HTR3B: variants seen among roughly 807,000 people sequenced by gnomAD.
The protein encoded by HTR3B is 5-hydroxytryptamine (serotonin) receptor 3B, ionotropic.
Under a neutral mutation model 42.8 loss-of-function variants are expected in HTR3B, and 44 were observed. The ratio of observed to expected loss-of-function variants is 1.03; its 90% CI spans 0.81 to 1.32. HTR3B has a LOEUF of 1.32. HTR3B is among the 40% of genes most tolerant of loss of function. The probability of loss-of-function intolerance (pLI) is 0.00; values close to 1 mark genes in which losing one functional copy is unlikely to be tolerated. For synonymous variants in HTR3B, 203 were observed against 209.0 expected, an observed-to-expected ratio of 0.97 and a Z score of 0.25; for missense variants, 527 against 536.5, an observed-to-expected ratio of 0.98 and a Z score of 0.17.
intron 5 of HTR3B, 132 bp from the exon 6 acceptor site, chr11:113,932,804 C>G: frequency 1.2e-6 from 1 of 867,668 alleles, no homozygotes; most frequent in South Asian, 1.7e-5. Context: ...CCCCCTAATT[C>G]AAATAAGGCC....
chr11:113,947,184 ACCT>A lies in HTR3B; in HGVS notation c.*1050_*1052del, dbSNP rs1950187264. ...AGTGGTGCAATCTTGGCTCACTGTA[ACCT>A]CCACCTCCCGGGTTCAAGCAATTCC... On this transcript the variant is annotated 3_prime_UTR_variant, in exon 9 of 9. Transcript: ENST00000260191. 6.7e-6 allele frequency among the ~76,000 whole-genome samples: 1 copy of A among 149,660 alleles called. No individual in the cohort carries two copies. The highest frequency in any genetic ancestry group is 1.5e-5 in the Non-Finnish European group (1 of 67,464).
rs757773416 is a variant in HTR3B, at chr11:113,904,918, T to C, written c.-16T>C. On this transcript the variant is annotated 5_prime_UTR_variant, in exon 1 of 9. Coordinates refer to ENST00000260191, the MANE Select transcript of HTR3B (RefSeq NM_006028.5). ...TAGGCAAGTTTGCATTTCTCCTTTT[T>C]GGGATCTGCCCAGGAATGTTGTCAA... 6.2e-7 allele frequency: 1 copy of C among 1,612,174 alleles called. No individual in the cohort carries two copies. Among genetic ancestry groups the C allele is most frequent in the African/African-American group, 1.3e-5 (1 of 74,830 alleles).
chr11:113,901,458 A>AAT (rs2137475839), upstream of HTR3B, among the ~76,000 whole-genome samples: 1 of 150,956 alleles, frequency 6.6e-6, no homozygotes, highest in African/African-American at 2.4e-5. Flanking sequence ...AAAAAAAAAA[A>AAT]AAAGCTAAAA....
intron 6 of HTR3B, among the ~76,000 whole-genome samples, chr11:113,941,050 G>A (rs566593556): frequency 1.2e-4 from 18 of 152,174 alleles, no homozygotes; most frequent in Non-Finnish European, 2.4e-4. Context: ...AATCTATAAA[G>A]TAGAGGCTAT....
At chr11:113,928,061 G>A (rs1002465399) in intron 2 of HTR3B, among the ~76,000 whole-genome samples, 4 of 152,092 alleles carry the variant, frequency 2.6e-5, no homozygotes, top group Admixed American at 2.0e-4. Context: ...AGGCCCCAGT[G>A]TGTGTGGTTC....
intron 6 of HTR3B, among the ~76,000 whole-genome samples, chr11:113,936,652 C>T (rs191314120): frequency 8.5e-5 from 13 of 152,212 alleles, no homozygotes; most frequent in East Asian, 5.8e-4. Context: ...TAATCCAGAG[C>T]GACCCATAGT....
intron 2 of HTR3B, among the ~76,000 whole-genome samples, chr11:113,917,938 T>C (rs1322689105): frequency 6.6e-6 from 1 of 152,184 alleles, no homozygotes; most frequent in African/African-American, 2.4e-5. Context: ...CTTTTACTGT[T>C]ATGAAACGCT....
At position 113,932,939 on chromosome 11, in the gene HTR3B, A is replaced by T. The variant is rs1396075334; in HGVS notation, c.542A>T (p.Glu181Val). Reference sequence around the variant, plus strand: ...CAATTGTTTGTGTTGTTTGCAGTGGAAGACGTAGACCTGGCCTTTCTGAGG... The same window carrying T: ...CAATTGTTTGTGTTGTTTGCAGTGGTAGACGTAGACCTGGCCTTTCTGAGG... ...LTFKSILHTV[E>V]DVDLAFLRSP... The change falls in exon 6 of 9, where the codon GAA (glutamate) becomes GTA (valine). Residue 181 changes from glutamate (E) to valine (V), a missense_variant. Coordinates refer to ENST00000260191, the MANE Select transcript of HTR3B (RefSeq NM_006028.5). 1 of 1,613,506 alleles carries T rather than the reference A, an allele frequency of 6.2e-7. No individual in the cohort carries two copies. The highest frequency in any genetic ancestry group is 1.1e-5 in the South Asian group (1 of 91,022).
chr11:113,947,415 C>T lies in HTR3B; in HGVS notation c.*1278C>T, dbSNP rs114265101. Among the ~76,000 whole-genome samples the T allele has an allele frequency of 4.9e-3, 753 of 152,234 alleles. 4 individuals carry two copies. The highest frequency in any genetic ancestry group is 0.017 in the African/African-American group (719 of 41,540). ...TTCAAGGAAGTTATAATCCACTGTC[C>T]CTGAACTAGTCAGCTAGGAAATACT... is the stretch of plus-strand genomic sequence containing the variant. On this transcript the variant is annotated 3_prime_UTR_variant, in exon 9 of 9. Coordinates refer to ENST00000260191, the MANE Select transcript of HTR3B (RefSeq NM_006028.5).
intron 6 of HTR3B, among the ~76,000 whole-genome samples, chr11:113,934,704 T>C (rs928336714): frequency 1.2e-4 from 19 of 152,070 alleles, no homozygotes; most frequent in South Asian, 2.1e-4. Flanking sequence ...AAAGCTTGCA[T>C]TGTGGCCTGT....
chr11:113,914,057 T>A (rs1009960858), intron 2 of HTR3B, among the ~76,000 whole-genome samples: 5 of 151,946 alleles, frequency 3.3e-5, no homozygotes, highest in South Asian at 2.1e-4. Flanking sequence ...TTTTTTTTTT[T>A]ATAAATTACA....
intron 4 of HTR3B, 83 bp downstream of exon 4, chr11:113,931,950 T>C: frequency 1.2e-6 from 1 of 819,774 alleles, no homozygotes. Flanking sequence ...CAGTCAGTGT[T>C]GCTCATTTTT....
At chr11:113,937,667 T>C (rs1203320867) in intron 6 of HTR3B, among the ~76,000 whole-genome samples, 2 of 152,234 alleles carry the variant, frequency 1.3e-5, no homozygotes, top group South Asian at 2.1e-4. Flanking sequence ...TGGTGGAGCC[T>C]GGACTTGAAC....
chr11:113,914,143 T>C (rs958644856), intron 2 of HTR3B, among the ~76,000 whole-genome samples: 5 of 152,126 alleles, frequency 3.3e-5, no homozygotes, highest in African/African-American at 1.2e-4. Flanking sequence ...TTTTTTTAAT[T>C]TTTAAAAAGA....
chr11:113,945,832 C>T (rs1261592579), intron 8 of HTR3B, 70 bp from the exon 9 acceptor site: 3 of 1,095,442 alleles, frequency 2.7e-6, no homozygotes. Context: ...AGGCCATCAG[C>T]TTCAAGAGAA....
In HTR3B at chr11:113,933,066, T is replaced by A; in HGVS notation, c.669T>A (p.Ala223=). The A allele has an allele frequency of 6.2e-7, 1 of 1,614,118 alleles. No homozygotes were observed. Among genetic ancestry groups the A allele is most frequent in the South Asian group, 1.1e-5 (1 of 91,074 alleles). Residue 223 remains alanine, a synonymous_variant, in exon 6 of 9, where the codon GCT becomes GCA. Transcript: ENST00000260191. ...CATACAGCATCCTGCAGAGCAGCGC[T>A]GGAGGATTTGCACAGATTCAGTTTA... ...SSTYSILQSS[A]GGFAQIQFNV... is the part of the protein sequence containing the mutation.
At chr11:113,923,665 A>G (rs1565560740) in intron 2 of HTR3B, among the ~76,000 whole-genome samples, 5 of 152,216 alleles carry the variant, frequency 3.3e-5, no homozygotes, top group Admixed American at 2.6e-4. Flanking sequence ...AATTCTCTGA[A>G]ATATCCTTTG....
At chr11:113,944,022 CTT>C (rs368033697) in intron 7 of HTR3B, among the ~76,000 whole-genome samples, 75 of 133,942 alleles carry the variant, frequency 5.6e-4, no homozygotes, top group Admixed American at 9.8e-4. Flanking sequence ...GTCTCTCTCT[CTT>C]TTTTTTTTTT....
In HTR3B at chr11:113,946,992, TC is replaced by T. The variant is rs1281104673; in HGVS notation, c.*858del. Among the ~76,000 whole-genome samples, 12 of 152,174 alleles carry T rather than the reference TC, an allele frequency of 7.9e-5. No homozygotes were observed. Among genetic ancestry groups the T allele is most frequent in the Non-Finnish European group, 1.6e-4 (11 of 68,034 alleles). On this transcript the variant is annotated 3_prime_UTR_variant, in exon 9 of 9. Coordinates refer to ENST00000260191, the MANE Select transcript of HTR3B (RefSeq NM_006028.5). The stretch of plus-strand genomic sequence containing the variant: ...ACCAGAGCATAAAATTCCTGCCATA[TC>T]CCTCACCTTCTGAGGCTCTTGTTAC...
Sources: gnomAD v4.1 joint callset for allele counts (sites outside exome capture counted in the v4.1 genomes callset) on GRCh38, gnomAD v4.1.1 for gene constraint, MANE v1.5 for transcripts, NCBI Gene and HGNC (gene_info 2026-07-23, HGNC 2026-07-21) for gene names.